Variants in DOK6 observed in about 807,000 individuals in gnomAD.
DOK6 encodes the protein downstream of tyrosine kinase 6.
A neutral mutation model predicts 44.0 loss-of-function variants in DOK6; 22 were observed. The ratio of observed to expected loss-of-function variants is 0.50; its 90% CI spans 0.36 to 0.71. The LOEUF is 0.71. DOK6 is among the 30% of genes least tolerant of loss of function. The probability of loss-of-function intolerance (pLI) is 0.00; values close to 1 mark genes in which losing one functional copy is unlikely to be tolerated. For synonymous variants in DOK6, 166 were observed against 145.5 expected, an observed-to-expected ratio of 1.14 and a Z score of -1.01; for missense variants, 340 against 416.4, an observed-to-expected ratio of 0.82 and a Z score of 1.60.
chr18:69,434,954 G>GGGAAGGAA (rs1167985373), intron 1 of DOK6, among the ~76,000 whole-genome samples: 9,493 of 62,878 alleles, frequency 0.15, 912 homozygotes, highest in Non-Finnish European at 0.23. Context: ...GAGGGAGGGA[G>GGGAAGGAA]GGAAGGAAGG....
chr18:69,439,432 T>C (rs1979076168), intron 1 of DOK6, among the ~76,000 whole-genome samples: 1 of 152,224 alleles, frequency 6.6e-6, no homozygotes, highest in Admixed American at 6.5e-5. Context: ...TTCTCCTTTC[T>C]AGATATGAAA....
chr18:69,707,482 C>T (rs1986660465), intron 5 of DOK6, among the ~76,000 whole-genome samples: 1 of 152,192 alleles, frequency 6.6e-6, no homozygotes, highest in Non-Finnish European at 1.5e-5. Flanking sequence ...ATCCCTGGCC[C>T]AGCCACTATT....
intron 3 of DOK6, among the ~76,000 whole-genome samples, chr18:69,635,357 G>A (rs1220447440): frequency 6.6e-6 from 1 of 152,152 alleles, no homozygotes; most frequent in Non-Finnish European, 1.5e-5. Context: ...ACGTAGAAAT[G>A]TTTTGCTCTG....
intron 5 of DOK6, among the ~76,000 whole-genome samples, chr18:69,701,520 C>T (rs1490597048): frequency 2.0e-5 from 3 of 152,202 alleles, no homozygotes; most frequent in Admixed American, 6.5e-5. Flanking sequence ...GACATTTTTA[C>T]TTCATGTTAC....
chr18:69,408,757 A>C (rs1221706195), intron 1 of DOK6, among the ~76,000 whole-genome samples: 1 of 152,202 alleles, frequency 6.6e-6, no homozygotes, highest in African/African-American at 2.4e-5. Flanking sequence ...CATTGACAGT[A>C]CTCAACCACA....
At chr18:69,485,905 G>A (rs936144603) in intron 1 of DOK6, among the ~76,000 whole-genome samples, 1 of 150,556 alleles carries the variant, frequency 6.6e-6, no homozygotes, top group South Asian at 2.1e-4. Context: ...GTGTGTGTGT[G>A]TATATGTATA....
chr18:69,599,154 G>A (rs1983814019), intron 2 of DOK6, among the ~76,000 whole-genome samples: 1 of 152,112 alleles, frequency 6.6e-6, no homozygotes, highest in Non-Finnish European at 1.5e-5. Context: ...TACATAATGT[G>A]TAGGTCATTT....
At chr18:69,485,178 T>A (rs1421810150) in intron 1 of DOK6, among the ~76,000 whole-genome samples, 3 of 152,116 alleles carry the variant, frequency 2.0e-5, no homozygotes, top group Non-Finnish European at 4.4e-5. Flanking sequence ...AATCAACTGT[T>A]CAACAGATGA....
intron 4 of DOK6, among the ~76,000 whole-genome samples, chr18:69,681,940 A>C (rs1986054983): frequency 6.6e-6 from 1 of 152,196 alleles, no homozygotes; most frequent in Admixed American, 6.5e-5. Context: ...AAAATAATGG[A>C]ACCTCAGACT....
At chr18:69,697,687 G>C (rs1986419837) in intron 4 of DOK6, among the ~76,000 whole-genome samples, 1 of 150,400 alleles carries the variant, frequency 6.6e-6, no homozygotes, top group Non-Finnish European at 1.5e-5. Context: ...CTTTGCAATA[G>C]CCTTTAAGAA....
chr18:69,595,533 T>G (rs1983720924), intron 2 of DOK6, among the ~76,000 whole-genome samples: 1 of 152,188 alleles, frequency 6.6e-6, no homozygotes, highest in Non-Finnish European at 1.5e-5. Flanking sequence ...CTTTGGACAT[T>G]GTTTCCCATA....
At chr18:69,739,208 C>A in intron 6 of DOK6, 105 bp downstream of exon 6, 1 of 1,470,528 alleles carries the variant, frequency 6.8e-7, no homozygotes, top group Non-Finnish European at 9.2e-7. Flanking sequence ...CCTGGGTGTC[C>A]ACCCTGCCCT....
In DOK6 at chr18:69,402,687, G is replaced by A. The variant is rs569335542; in HGVS notation, c.66+1377G>A. ...TCAGCAGCTCTGTAGTAGGCTGGGA[G>A]GCTGCAAGAGCGAGTGCGGAGCTGG... is the stretch of plus-strand genomic sequence containing the variant. On this transcript the variant is annotated intron_variant, in intron 1 of 7. Transcript: ENST00000382713. Among the ~76,000 whole-genome samples the A allele has an allele frequency of 1.2e-4, 18 of 152,338 alleles. No homozygotes were observed. In the South Asian group the frequency reaches 3.5e-3, roughly 30 times the overall value.
chr18:69,836,844 T>C (rs12963573), intron 7 of DOK6, among the ~76,000 whole-genome samples: 33 of 152,184 alleles, frequency 2.2e-4, no homozygotes, highest in Non-Finnish European at 3.5e-4. Context: ...GGGGCATAAT[T>C]CAAATGAACA....
intron 1 of DOK6, among the ~76,000 whole-genome samples, chr18:69,519,021 A>G (rs1323905588): frequency 2.0e-5 from 3 of 152,074 alleles, no homozygotes; most frequent in Admixed American, 6.6e-5. Context: ...TTTCATGTCA[A>G]TTGCAAGAGG....
intron 1 of DOK6, among the ~76,000 whole-genome samples, chr18:69,466,095 A>G (rs1250870552): frequency 6.6e-6 from 1 of 152,180 alleles, no homozygotes; most frequent in Non-Finnish European, 1.5e-5. Context: ...ACCATGCTGT[A>G]CAGTAGATTT....
At chr18:69,691,794 G>T (rs1297690362) in intron 4 of DOK6, among the ~76,000 whole-genome samples, 3 of 152,192 alleles carry the variant, frequency 2.0e-5, no homozygotes, top group Non-Finnish European at 4.4e-5. Flanking sequence ...CCAGCTGAAA[G>T]ATGATAAAGG....
At chr18:69,494,383 C>CAAGA (rs1270076593) in intron 1 of DOK6, among the ~76,000 whole-genome samples, 5 of 152,092 alleles carry the variant, frequency 3.3e-5, no homozygotes, top group Admixed American at 1.3e-4. Context: ...GGCTGAGGCA[C>CAAGA]AAGAATTGCT....
In DOK6 at chr18:69,606,314, AAATAAATAAAT is replaced by A. The variant is rs1381057715; in HGVS notation, c.289+6819_289+6829del. ...TAAATAAATAAATAAATAAATAAAT[AAATAAATAAAT>A]AAAATTCCCAAGGAATTCTAAAATT... On this transcript the variant is annotated intron_variant, in intron 3 of 7. Coordinates refer to ENST00000382713, the MANE Select transcript of DOK6 (RefSeq NM_152721.6). Among the ~76,000 whole-genome samples, 5 of 145,466 alleles carry A rather than the reference AAATAAATAAAT, an allele frequency of 3.4e-5. No individual in the cohort carries two copies. In the East Asian group the frequency reaches 1.1e-3, roughly 31 times the overall value.
Sources: gnomAD v4.1 joint callset for allele counts (sites outside exome capture counted in the v4.1 genomes callset) on GRCh38, gnomAD v4.1.1 for gene constraint, MANE v1.5 for transcripts, NCBI Gene and HGNC (gene_info 2026-07-23, HGNC 2026-07-21) for gene names.